The following PROX2 variants were observed in gnomAD, a reference collection of about 807,000 sequenced individuals.
PROX2 encodes the protein prospero homeobox 2, also known as prospero homeobox protein 2.
In PROX2, 46 loss-of-function variants were observed where a neutral mutation model predicts 48.9. The observed-to-expected ratio is 0.94, with a 90% CI of 0.74 to 1.20. The LOEUF (loss-of-function observed/expected upper bound fraction) is 1.20. PROX2 is among the 50% of genes most tolerant of loss of function. The probability of loss-of-function intolerance (pLI) is 0.00; values close to 1 mark genes in which losing one functional copy is unlikely to be tolerated. For missense variants in PROX2, 663 were observed against 719.4 expected (o/e 0.92, Z 0.90); for synonymous variants, 260 against 276.6 (o/e 0.94, Z 0.60).
rs111318732 is a variant in PROX2 at position 74,872,487 on chromosome 14, A to G, written c.-309-1250T>C. Among the ~76,000 whole-genome samples, 637 of 152,278 alleles carry G rather than the reference A, an allele frequency of 4.2e-3. 3 individuals are homozygous for G. Among genetic ancestry groups the G allele is most frequent in the African/African-American group, 0.01 (432 of 41,560 alleles). On this transcript the variant is annotated intron_variant, in intron 1 of 5. Transcript: ENST00000556489. ...TCATTATGGGATCTAAGGGCCCACC[A>G]CTGGCATTTCATAATAATGATGACT...
At chr14:74,858,711 T>C (rs2091767196) in intron 3 of PROX2, 197 bp from the exon 4 acceptor site, 2 of 542,844 alleles carry the variant, frequency 3.7e-6, no homozygotes, top group South Asian at 2.4e-5. Context: ...AGTCACAGAA[T>C]GTAAAAATCA....
intron 2 of PROX2, among the ~76,000 whole-genome samples, chr14:74,867,646 G>A (rs1199858665): frequency 6.6e-6 from 1 of 152,198 alleles, no homozygotes; most frequent in Non-Finnish European, 1.5e-5. Flanking sequence ...ATGGAGGCTT[G>A]TGCATGGAAC....
chr14:74,855,455 C>T (rs985272797), intron 5 of PROX2, 153 bp from the exon 6 acceptor site: 13 of 450,280 alleles, frequency 2.9e-5, no homozygotes, highest in Non-Finnish European at 4.2e-5. Context: ...CCCTAGGACT[C>T]CTCTGCTTCC....
At chr14:74,873,488 C>T (rs1357346617) in intron 1 of PROX2, among the ~76,000 whole-genome samples, 1 of 152,286 alleles carries the variant, frequency 6.6e-6, no homozygotes, top group East Asian at 1.9e-4. Flanking sequence ...GTTCAGGAGC[C>T]CCCACAGCCA....
At chr14:74,856,211 G>A (rs8014374) in intron 5 of PROX2, 98,399 of 152,340 alleles carry the variant, frequency 0.65, 33,776 homozygotes, top group African/African-American at 0.9. Context: ...AGGAATGTGC[G>A]CCAGTGACAC....
chr14:74,870,875 A>G (rs908675336), intron 2 of PROX2, among the ~76,000 whole-genome samples: 8 of 152,048 alleles, frequency 5.3e-5, no homozygotes, highest in African/African-American at 1.9e-4. Context: ...CCCTGTCTCT[A>G]CTAAAAATAC....
intron 3 of PROX2, chr14:74,858,874 G>T: frequency 5.4e-6 from 1 of 186,882 alleles, no homozygotes. Context: ...GTGTGTGTGT[G>T]TGTGTGTGTG....
At chr14:74,872,497 CATA>C (rs1883238756) in intron 1 of PROX2, among the ~76,000 whole-genome samples, 1 of 152,180 alleles carries the variant, frequency 6.6e-6, no homozygotes. Flanking sequence ...ACTGGCATTT[CATA>C]ATAATGATGA....
rs1376495454 is a variant in PROX2, at chr14:74,871,092, G to A, written c.-175+11C>T. 1 of 151,816 alleles carries A rather than the reference G, an allele frequency of 6.6e-6. No homozygotes were observed. The allele number at this position is 151,816 out of a possible 1,614,324, so 9.4% of individuals were successfully genotyped here. A position where few individuals can be genotyped will look rare whatever the true frequency, so the allele number is the denominator to read the frequency against. On this transcript the variant is annotated intron_variant, in intron 2 of 5. Transcript: ENST00000556489. ...AATAAATAAAGTCTAGACAGATGTGGTGGTGCTTACCTGTAGTCTCAGCTA... is the reference window on the plus strand; with the variant it reads ...AATAAATAAAGTCTAGACAGATGTGATGGTGCTTACCTGTAGTCTCAGCTA...
Position 74,863,015 on chromosome 14 carries a change from G to A in PROX2, c.820C>T (p.Pro274Ser). The A allele has an allele frequency of 1.2e-6, 2 of 1,613,994 alleles. No individual in the cohort carries two copies. Among genetic ancestry groups the A allele is most frequent in the Non-Finnish European group, 1.7e-6 (2 of 1,179,870 alleles). Residue 274 changes from proline (P) to serine (S), a missense_variant, in exon 3 of 6, where the codon CCT (proline) becomes TCT (serine). By Grantham distance (74) the Pro-to-Ser change is moderately conservative. Coordinates refer to ENST00000556489, the MANE Select transcript of PROX2 (RefSeq NM_001243007.2). ...VAEGRSEPSP[P>S]VGGACKDPLA... ...GGATCTTTACAGGCCCCTCCCACAG[G>A]AGGTGAGGGCTCGCTTCTACCCTCT...
Position 74,862,532 on chromosome 14 carries a change from G to C in PROX2, c.1303C>G (p.His435Asp). The C allele has an allele frequency of 6.2e-7, 1 of 1,611,464 alleles. No individual in the cohort carries two copies. ...CTTCAATTGCTATTAAAGGATATGT[G>C]GACCAAAGAGAAAGGCAGTGCCTCC... is the stretch of plus-strand genomic sequence containing the variant. ...VMEALPFSLVHIQEGLNPGHL... is the reference protein window; with the variant it reads ...VMEALPFSLVDIQEGLNPGHL... Residue 435 changes from histidine to aspartate, a missense_variant and splice_region_variant, in exon 3 of 6, where the codon CAC becomes GAC. Coordinates refer to ENST00000556489, the MANE Select transcript of PROX2 (RefSeq NM_001243007.2).
At chr14:74,864,091 G>T (rs2091824012) in intron 2 of PROX2, 83 bp from the exon 3 acceptor site, 1 of 299,672 alleles carries the variant, frequency 3.3e-6, no homozygotes. Context: ...ATTCAACGCG[G>T]TCTCGTTAAA....
intron 3 of PROX2, among the ~76,000 whole-genome samples, chr14:74,860,970 C>T (rs2091790425): frequency 6.6e-6 from 1 of 152,192 alleles, no homozygotes; most frequent in Non-Finnish European, 1.5e-5. Flanking sequence ...TAAAGAAAAT[C>T]TGTCTATGGT....
intron 2 of PROX2, among the ~76,000 whole-genome samples, chr14:74,865,842 A>G (rs1883045882): frequency 6.6e-6 from 1 of 151,898 alleles, no homozygotes; most frequent in African/African-American, 2.4e-5. Context: ...AAAAAATCAT[A>G]ATCATAGTAA....
chr14:74,862,502 G>C (rs2091802063), intron 3 of PROX2, 28 bp downstream of exon 3: 1 of 1,588,382 alleles, frequency 6.3e-7, no homozygotes, highest in Non-Finnish European at 8.6e-7. Flanking sequence ...GGCCAACAAT[G>C]AGAACTTCAA....
At chr14:74,858,128 G>A (rs975018449) in intron 4 of PROX2, 1 of 288,882 alleles carries the variant, frequency 3.5e-6, no homozygotes, top group Non-Finnish European at 6.5e-6. Flanking sequence ...ACTAACTAGT[G>A]TTTCTGTTTC....
At chr14:74,858,623 T>G (rs780804726) in intron 3 of PROX2, 109 bp from the exon 4 acceptor site, 1 of 668,012 alleles carries the variant, frequency 1.5e-6, no homozygotes, top group Non-Finnish European at 2.6e-6. Flanking sequence ...TTTTTCTGAT[T>G]GGAATTGTGT....
chr14:74,854,413 T>C lies in PROX2; in HGVS notation c.*719A>G, dbSNP rs1171198390. 1 of 281,578 alleles carries C rather than the reference T, an allele frequency of 3.6e-6. No homozygotes were observed. The highest frequency in any genetic ancestry group is 7.1e-6 in the Non-Finnish European group (1 of 140,352). The allele number at this position is 281,578 out of a possible 1,614,324, so 17.4% of individuals were successfully genotyped here. On this transcript the variant is annotated 3_prime_UTR_variant, in exon 6 of 6. Coordinates refer to ENST00000556489, the MANE Select transcript of PROX2 (RefSeq NM_001243007.2). The stretch of plus-strand genomic sequence containing the variant: ...GTCAGCGCTGGATGCTTACTAGGGG[T>C]GGGGTCCTGCTTGAGATCCTGAGTT...
chr14:74,862,991 G>T lies in PROX2; in HGVS notation c.844C>A (p.Pro282Thr). 1 of 1,614,008 alleles carries T rather than the reference G, an allele frequency of 6.2e-7. No individual in the cohort carries two copies. The highest frequency in any genetic ancestry group is 1.3e-5 in the African/African-American group (1 of 75,046). ...SPPVGGACKD[P>T]LALAALPRRV... ...CTGGGCAAGGCAGCCAAAGCAAGTG[G>T]ATCTTTACAGGCCCCTCCCACAGGA... The change falls in exon 3 of 6, where the codon CCA becomes ACA. Residue 282 changes from proline (P) to threonine (T), a missense_variant. Coordinates refer to ENST00000556489, the MANE Select transcript of PROX2 (RefSeq NM_001243007.2).
Sources: gnomAD v4.1 joint callset for allele counts (sites outside exome capture counted in the v4.1 genomes callset) on GRCh38, gnomAD v4.1.1 for gene constraint, MANE v1.5 for transcripts, NCBI Gene and HGNC (gene_info 2026-07-23, HGNC 2026-07-21) for gene names.